Variants in STPG2 observed in about 807,000 individuals in gnomAD.
STPG2 encodes sperm-tail PG-rich repeat-containing protein 2.
STPG2 carries 56 observed loss-of-function variants against 54.2 expected under a neutral mutation model. That is an observed-to-expected ratio of 1.03 (90% CI 0.83 to 1.29). The LOEUF is 1.29. Among genes scored for constraint, STPG2 ranks in the 50% most tolerant of loss-of-function variants. The probability of loss-of-function intolerance (pLI) is 0.00; values close to 1 mark genes in which losing one functional copy is unlikely to be tolerated. For missense variants in STPG2, 596 were observed against 544.9 expected (o/e 1.09, Z -0.93); for synonymous variants, 200 against 181.8 (o/e 1.10, Z -0.81).
chr4:97,518,790 C>A (rs1731125722), intron 4 of STPG2, among the ~76,000 whole-genome samples: 1 of 151,954 alleles, frequency 6.6e-6, no homozygotes, highest in Non-Finnish European at 1.5e-5. Flanking sequence ...ATAATAAATG[C>A]CTTCCTACTA....
chr4:97,511,770 G>A (rs1227057103), intron 4 of STPG2, among the ~76,000 whole-genome samples: 1 of 151,620 alleles, frequency 6.6e-6, no homozygotes, highest in Non-Finnish European at 1.5e-5. Flanking sequence ...ATAGAAAACA[G>A]AGCAATTATG....
rs542413562 is a variant in STPG2 at position 97,457,354 on chromosome 4, AT to A, written c.462+255344del. ...ATTGCCAAAACTTAATTAGGAGGCC[AT>A]TAGGCTGACGCAACTCCAGTGCCTA... On this transcript the variant is annotated intron_variant, in intron 4 of 4. Transcript: ENST00000522676. Among the ~76,000 whole-genome samples, 190 of 152,370 alleles carry A rather than the reference AT, an allele frequency of 1.2e-3. 3 individuals are homozygous for A. The South Asian group carries it at 0.018, about 15-fold the overall frequency.
At chr4:98,018,162 T>TC (rs1226865922) in intron 5 of STPG2, among the ~76,000 whole-genome samples, 1 of 151,826 alleles carries the variant, frequency 6.6e-6, no homozygotes, top group Non-Finnish European at 1.5e-5. Flanking sequence ...ATGCTATCCC[T>TC]CCCCCCATCC....
At chr4:97,955,281 C>G (rs1733634813) in intron 7 of STPG2, among the ~76,000 whole-genome samples, 1 of 148,758 alleles carries the variant, frequency 6.7e-6, no homozygotes, top group South Asian at 2.1e-4. Context: ...GTGGCACGAT[C>G]TCGGCTCACG....
chr4:98,141,536 AC>A (rs1326746308), intron 1 of STPG2, among the ~76,000 whole-genome samples: 4 of 152,220 alleles, frequency 2.6e-5, no homozygotes, highest in Non-Finnish European at 4.4e-5. Flanking sequence ...CCAATTGTCA[AC>A]CAGAAAATGT....
At chr4:97,445,328 C>A (rs1017984611) in intron 4 of STPG2, among the ~76,000 whole-genome samples, 1 of 152,088 alleles carries the variant, frequency 6.6e-6, no homozygotes, top group Admixed American at 6.5e-5. Flanking sequence ...TTTTTCTATA[C>A]AATCTACTGA....
intron 8 of STPG2, among the ~76,000 whole-genome samples, chr4:97,936,523 A>C (rs1732751976): frequency 6.6e-6 from 1 of 151,956 alleles, no homozygotes; most frequent in Non-Finnish European, 1.5e-5. Context: ...TACCAGTTTT[A>C]CCTTTCCTTA....
chr4:97,682,280 G>A (rs574058706), intron 10 of STPG2, among the ~76,000 whole-genome samples: 5 of 151,740 alleles, frequency 3.3e-5, no homozygotes, highest in Non-Finnish European at 7.4e-5. Context: ...CTATAAGATG[G>A]TCCTTTCTCA....
At chr4:97,581,980 C>G in intron 10 of STPG2, among the ~76,000 whole-genome samples, 1 of 151,796 alleles carries the variant, frequency 6.6e-6, no homozygotes, top group East Asian at 1.9e-4. Context: ...TTATTCTGTT[C>G]CGAGTTTATA....
At chr4:97,877,271 A>G (rs1730211661) in intron 8 of STPG2, among the ~76,000 whole-genome samples, 1 of 152,064 alleles carries the variant, frequency 6.6e-6, no homozygotes, top group Non-Finnish European at 1.5e-5. Context: ...ACTCATTTCT[A>G]TGAAATTCAT....
At chr4:97,860,568 C>T (rs938927806) in intron 8 of STPG2, among the ~76,000 whole-genome samples, 2 of 150,418 alleles carry the variant, frequency 1.3e-5, no homozygotes, top group Non-Finnish European at 3.0e-5. Context: ...TCTTGATTTG[C>T]TTCTCAGCTT....
At chr4:97,714,814 T>C (rs752958101) in intron 9 of STPG2, among the ~76,000 whole-genome samples, 2 of 152,150 alleles carry the variant, frequency 1.3e-5, no homozygotes, top group Non-Finnish European at 2.9e-5. Context: ...ATTGTAGTTT[T>C]AACCGTAAAG....
chr4:97,570,674 T>G (rs559756319), intron 10 of STPG2, among the ~76,000 whole-genome samples: 1 of 152,280 alleles, frequency 6.6e-6, no homozygotes, highest in African/African-American at 2.4e-5. Context: ...GAATCTACAT[T>G]AACAAGGTTT....
intron 5 of STPG2, among the ~76,000 whole-genome samples, chr4:97,999,761 G>C (rs1389110869): frequency 1.3e-5 from 2 of 152,148 alleles, no homozygotes; most frequent in Admixed American, 6.6e-5. Flanking sequence ...TGAAATGTTA[G>C]TTTTGTAGTT....
In STPG2 at chr4:98,089,637, C is replaced by T. The variant is rs896420739; in HGVS notation, c.612+16316G>A. Among the ~76,000 whole-genome samples, 13 of 151,630 alleles carry T rather than the reference C, an allele frequency of 8.6e-5. No homozygotes were observed. The East Asian group carries it at 1.4e-3, about 16-fold the overall frequency. The stretch of plus-strand genomic sequence containing the variant: ...TTTTAAGGAATATCCACACTGTTTC[C>T]ACAATGGTTGTACTAATTTACATTC... On this transcript the variant is annotated intron_variant, in intron 5 of 10. Transcript: ENST00000295268.
In STPG2 at chr4:98,099,566, A is replaced by T. The variant is rs573163105; in HGVS notation, c.612+6387T>A. Among the ~76,000 whole-genome samples the T allele has an allele frequency of 2.0e-4, 30 of 152,294 alleles. No homozygotes were observed. In the South Asian group the frequency reaches 6.2e-3, roughly 32 times the overall value. On this transcript the variant is annotated intron_variant, in intron 5 of 10. Transcript: ENST00000295268. ...AAGGCCTACTATTTGATAGCACAATAGGGTGATTAGAGTCAATAATAACTT... is the reference window on the plus strand; with the variant it reads ...AAGGCCTACTATTTGATAGCACAATTGGGTGATTAGAGTCAATAATAACTT...
chr4:98,058,677 C>A (rs1275316366), intron 5 of STPG2, among the ~76,000 whole-genome samples: 1 of 151,988 alleles, frequency 6.6e-6, no homozygotes, highest in Non-Finnish European at 1.5e-5. Context: ...TTAACAAAGA[C>A]ATTCAGGACC....
In STPG2 at chr4:97,747,631, T is replaced by A. The variant is rs904754727; in HGVS notation, c.1205-34817A>T. ...TCATATTTGTACATTCTTGGGAGTA[T>A]CTTTTTACTCATGAGATTTTACCTC... On this transcript the variant is annotated intron_variant, in intron 9 of 10. Coordinates refer to ENST00000295268, the MANE Select transcript of STPG2 (RefSeq NM_174952.3). Among the ~76,000 whole-genome samples, 4 of 151,422 alleles carry A rather than the reference T, an allele frequency of 2.6e-5. No individual in the cohort carries two copies. The Admixed American group carries it at 2.6e-4, about 10-fold the overall frequency.
intron 4 of STPG2, among the ~76,000 whole-genome samples, chr4:97,548,295 A>C (rs1173716161): frequency 1.3e-5 from 2 of 152,344 alleles, no homozygotes; most frequent in South Asian, 2.1e-4. Context: ...AAGAAAAAAC[A>C]GGCAGATAGA....
Sources: gnomAD v4.1 joint callset for allele counts (sites outside exome capture counted in the v4.1 genomes callset) on GRCh38, gnomAD v4.1.1 for gene constraint, MANE v1.5 for transcripts, NCBI Gene and HGNC (gene_info 2026-07-23, HGNC 2026-07-21) for gene names.